The following NKAIN3 variants were observed in gnomAD, a reference collection of about 807,000 sequenced individuals.
NKAIN3 encodes the protein sodium/potassium-transporting ATPase subunit beta-1-interacting protein 3.
A neutral mutation model predicts 30.2 loss-of-function variants in NKAIN3; 25 were observed. That is an observed-to-expected ratio of 0.83 (90% CI 0.60 to 1.16). The LOEUF (loss-of-function observed/expected upper bound fraction) is 1.16. Among genes scored for constraint, NKAIN3 ranks in the 50% most tolerant of loss-of-function variants. NKAIN3 has a pLI of 0.00. For synonymous variants in NKAIN3, 91 were observed against 89.6 expected, an observed-to-expected ratio of 1.02 and a Z score of -0.09; for missense variants, 225 against 254.1, an observed-to-expected ratio of 0.89 and a Z score of 0.78.
rs554327128 is a variant in NKAIN3 at position 62,258,022 on chromosome 8, CTTATT to C, written c.54+8918_54+8922del. Among the ~76,000 whole-genome samples the C allele has an allele frequency of 2.0e-3, 303 of 152,066 alleles. 1 individual carries two copies. Among genetic ancestry groups the C allele is most frequent in the African/African-American group, 6.5e-3 (269 of 41,466 alleles). On this transcript the variant is annotated intron_variant, in intron 1 of 6. Coordinates refer to ENST00000623646, the MANE Select transcript of NKAIN3 (RefSeq NM_001304533.3). ...GTCTTTGCTTTTAAAACATGAACTA[CTTATT>C]TTATTTTATTTTATTTTATTTTTTT...
At chr8:62,950,022 ATCTTC>A (rs1229696814) in intron 5 of NKAIN3, among the ~76,000 whole-genome samples, 10 of 152,184 alleles carry the variant, frequency 6.6e-5, no homozygotes, top group Admixed American at 5.9e-4. Flanking sequence ...TTAATTCAGC[ATCTTC>A]TCTTCTCTTA....
chr8:62,471,773 A>T (rs1806356981), intron 1 of NKAIN3, among the ~76,000 whole-genome samples: 1 of 152,178 alleles, frequency 6.6e-6, no homozygotes, highest in African/African-American at 2.4e-5. Flanking sequence ...GGAAGACCTC[A>T]CCTCCACAAA....
chr8:62,830,720 A>C (rs2130744533), intron 4 of NKAIN3, among the ~76,000 whole-genome samples: 1 of 152,244 alleles, frequency 6.6e-6, no homozygotes, highest in East Asian at 1.9e-4. Context: ...ACTGTGGTGC[A>C]ACAGGGTCCT....
chr8:62,979,436 A>C lies in NKAIN3; in HGVS notation c.*14029A>C, dbSNP rs1275507608. On this transcript the variant is annotated 3_prime_UTR_variant, in exon 7 of 7. Coordinates refer to ENST00000623646, the MANE Select transcript of NKAIN3 (RefSeq NM_001304533.3). The stretch of plus-strand genomic sequence containing the variant: ...CTTATTTATGTACACACACATCCAC[A>C]ATCAAACTTCAACAGTCGAGTGTAC... 6.6e-6 allele frequency: 1 copy of C among 152,238 alleles called. No homozygotes were observed. The highest frequency in any genetic ancestry group is 2.4e-5 in the African/African-American group (1 of 41,466). The allele number at this position is 152,238 out of a possible 1,614,324, so 9.4% of individuals were successfully genotyped here.
intron 1 of NKAIN3, among the ~76,000 whole-genome samples, chr8:62,270,886 G>C (rs528239537): frequency 1.2e-4 from 18 of 152,138 alleles, no homozygotes; most frequent in African/African-American, 4.3e-4. Flanking sequence ...AGTATTGAAG[G>C]GTTGGCTCAA....
intron 1 of NKAIN3, among the ~76,000 whole-genome samples, chr8:62,505,515 G>A (rs1807603919): frequency 6.6e-6 from 1 of 152,088 alleles, no homozygotes; most frequent in African/African-American, 2.4e-5. Context: ...AAATATAGAA[G>A]CATGGTTTTA....
intron 1 of NKAIN3, among the ~76,000 whole-genome samples, chr8:62,438,016 T>C (rs1805220173): frequency 2.0e-5 from 3 of 152,360 alleles, no homozygotes; most frequent in South Asian, 4.1e-4. Flanking sequence ...AAATTTTCTC[T>C]CATAAACCTA....
rs149139601 is a variant in NKAIN3, at chr8:62,645,311, T to A, written c.273+55517T>A. Among the ~76,000 whole-genome samples, 38 of 152,268 alleles carry A rather than the reference T, an allele frequency of 2.5e-4. No homozygotes were observed. The East Asian group carries it at 7.0e-3, about 28-fold the overall frequency. On this transcript the variant is annotated intron_variant, in intron 3 of 6. Transcript: ENST00000623646. The stretch of plus-strand genomic sequence containing the variant: ...GACAAAACCTTCCTTTTACCCCAAA[T>A]TTTTATTCTATATTTTTGCAGTTTG...
rs532148825 is a variant in NKAIN3 at position 62,977,150 on chromosome 8, G to A, written c.*11743G>A. ...TCAGTTCAACCTTGGTGAATCTGAC[G>A]ATTATGTGTCTTGGGGTTGCTCTTC... On this transcript the variant is annotated 3_prime_UTR_variant, in exon 7 of 7. Transcript: ENST00000623646. Among the ~76,000 whole-genome samples, 128 of 152,212 alleles carry A rather than the reference G, an allele frequency of 8.4e-4. 1 individual carries two copies. The highest frequency in any genetic ancestry group is 2.9e-3 in the African/African-American group (122 of 41,544).
intron 4 of NKAIN3, among the ~76,000 whole-genome samples, chr8:62,844,077 A>G (rs555244339): frequency 1.8e-4 from 27 of 152,228 alleles, no homozygotes; most frequent in Non-Finnish European, 3.2e-4. Flanking sequence ...TTGCATGACA[A>G]ATTAATACTG....
At chr8:62,725,122 C>T (rs1586132134) in intron 3 of NKAIN3, among the ~76,000 whole-genome samples, 1 of 152,214 alleles carries the variant, frequency 6.6e-6, no homozygotes, top group East Asian at 1.9e-4. Context: ...TTGCATTTCT[C>T]TGATGATCAG....
intron 1 of NKAIN3, among the ~76,000 whole-genome samples, chr8:62,569,429 G>A (rs1402737683): frequency 6.6e-6 from 1 of 152,124 alleles, no homozygotes; most frequent in Non-Finnish European, 1.5e-5. Context: ...AGAGTTTAGA[G>A]CTAAGAATGT....
At chr8:62,739,528 TACA>T (rs992199408) in intron 3 of NKAIN3, among the ~76,000 whole-genome samples, 16 of 152,172 alleles carry the variant, frequency 1.1e-4, no homozygotes, top group African/African-American at 3.6e-4. Context: ...TCAGACATAT[TACA>T]ACAAGTTAGT....
At chr8:62,936,988 C>A (rs1032165853) in intron 5 of NKAIN3, among the ~76,000 whole-genome samples, 4 of 151,834 alleles carry the variant, frequency 2.6e-5, no homozygotes, top group Non-Finnish European at 4.4e-5. Context: ...TGAAGATATT[C>A]TTCTATATTA....
rs1427236124 is a variant in NKAIN3, at chr8:62,983,018, A to T, written c.*17611A>T. On this transcript the variant is annotated 3_prime_UTR_variant, in exon 7 of 7. Transcript: ENST00000623646. ...CCGGTGTGTAAAACTGACAATACCCACAAGATACTACTGACTTGGAAGTTT... is the reference window on the plus strand; with the variant it reads ...CCGGTGTGTAAAACTGACAATACCCTCAAGATACTACTGACTTGGAAGTTT... The T allele has an allele frequency of 6.6e-6, 1 of 152,200 alleles. No individual in the cohort carries two copies. The highest frequency in any genetic ancestry group is 1.5e-5 in the Non-Finnish European group (1 of 68,044). 9.4% of individuals were successfully genotyped at this position (152,200 alleles called of 1,614,324 possible). A position where few individuals can be genotyped will look rare whatever the true frequency, so the allele number is the denominator to read the frequency against.
chr8:62,602,870 T>C (rs1485138154), intron 3 of NKAIN3, among the ~76,000 whole-genome samples: 2 of 152,106 alleles, frequency 1.3e-5, no homozygotes, highest in Admixed American at 6.6e-5. Flanking sequence ...ATTATTCTAA[T>C]ACATGAAAAT....
In NKAIN3 at chr8:62,540,367, A is replaced by G. The variant is rs190816199; in HGVS notation, c.55-39172A>G. 4.9e-3 allele frequency among the ~76,000 whole-genome samples: 747 copies of G among 152,336 alleles called. 7 individuals carry two copies. Among genetic ancestry groups the G allele is most frequent in the African/African-American group, 0.017 (721 of 41,588 alleles). ...ATTAACCTCCTACTACCTACCCAGT[A>G]TAAGTAAATCATAATTTTTGATGGA... is the stretch of plus-strand genomic sequence containing the variant. On this transcript the variant is annotated intron_variant, in intron 1 of 6. Coordinates refer to ENST00000623646, the MANE Select transcript of NKAIN3 (RefSeq NM_001304533.3).
At chr8:62,340,499 A>C (rs1815706815) in intron 1 of NKAIN3, among the ~76,000 whole-genome samples, 1 of 152,006 alleles carries the variant, frequency 6.6e-6, no homozygotes, top group Non-Finnish European at 1.5e-5. Flanking sequence ...GGGCAGAAGA[A>C]GGTCAGAGAG....
intron 1 of NKAIN3, among the ~76,000 whole-genome samples, chr8:62,462,075 G>A (rs59909095): frequency 0.33 from 50,337 of 152,004 alleles, 9,621 homozygotes; most frequent in South Asian, 0.45. Flanking sequence ...ATTTTGAAAG[G>A]AGCAAAATAA....
Sources: gnomAD v4.1 joint callset for allele counts (sites outside exome capture counted in the v4.1 genomes callset) on GRCh38, gnomAD v4.1.1 for gene constraint, MANE v1.5 for transcripts, NCBI Gene and HGNC (gene_info 2026-07-23, HGNC 2026-07-21) for gene names.